Variants in SMTN observed in about 807,000 individuals in gnomAD.
SMTN encodes smoothelin.
A neutral mutation model predicts 102.0 loss-of-function variants in SMTN; 58 were observed. The observed-to-expected ratio is 0.57, with a 90% CI of 0.46 to 0.71. The LOEUF (loss-of-function observed/expected upper bound fraction) is 0.71. Ranked by LOEUF, SMTN falls within the 30% of genes least tolerant of loss-of-function variation. SMTN has a pLI of 0.00. For missense variants in SMTN, 1,185 were observed against 1,241.7 expected (o/e 0.95, Z 0.69); for synonymous variants, 478 against 497.9 (o/e 0.96, Z 0.53).
chr22:31,097,864 C>G (rs564810215), intron 16 of SMTN, among the ~76,000 whole-genome samples: 13 of 152,164 alleles, frequency 8.5e-5, no homozygotes, highest in Non-Finnish European at 1.8e-4. Context: ...CTCAACCACA[C>G]CACAGGAGAG....
Position 31,089,719 on chromosome 22 carries a change from G to A in SMTN, c.492G>A (p.Gln164=). 6.2e-7 allele frequency: 1 copy of A among 1,603,258 alleles called. No homozygotes were observed. The highest frequency in any genetic ancestry group is 1.7e-4 in the Middle Eastern group (1 of 6,056). ...EQCEVPEREE[Q]EQQAEVSKPT... ...TACAGGTGCCAGAGCGAGAGGAACA[G>A]GAACAGCAGGCAGAGGTTTCAAAGC... Residue 164 remains glutamine (Q), a synonymous_variant, in exon 7 of 21, where the codon CAG becomes CAA. Coordinates refer to ENST00000333137, the MANE Select transcript of SMTN (RefSeq NM_134269.3).
At chr22:31,070,999 T>G (rs1317020305) in intron 1 of SMTN, among the ~76,000 whole-genome samples, 1 of 151,352 alleles carries the variant, frequency 6.6e-6, no homozygotes, top group Non-Finnish European at 1.5e-5. Context: ...CCCAATACTT[T>G]GGGAGGCAAG....
In SMTN at chr22:31,091,703, G is replaced by A. The variant is rs764306019; in HGVS notation, c.1488G>A (p.Pro496=). The change falls in exon 11 of 21, where the codon CCG becomes CCA. Residue 496 remains proline, a synonymous_variant. Transcript: ENST00000333137. The part of the protein sequence containing the change: ...AELTLGLRAP[P]TLLSTSSGGK... Reference sequence around the variant, plus strand: ...TGACACTGGGGCTGCGGGCGCCCCCGACCCTACTCAGCACCAGTAGTGGGG... The same window carrying A: ...TGACACTGGGGCTGCGGGCGCCCCCAACCCTACTCAGCACCAGTAGTGGGG... The A allele has an allele frequency of 2.2e-5, 35 of 1,606,946 alleles. No homozygotes were observed. The highest frequency in any genetic ancestry group is 2.5e-5 in the Non-Finnish European group (29 of 1,175,168).
chr22:31,084,917 G>A (rs2042563476), intron 2 of SMTN: 13 of 1,319,664 alleles, frequency 9.9e-6, no homozygotes, highest in Admixed American at 3.8e-5. Flanking sequence ...AAGAACGGGG[G>A]CGTCCCGAGC....
Position 31,099,813 on chromosome 22 carries a change from C to A in SMTN, c.2520C>A (p.Asn840Lys). The A allele has an allele frequency of 6.2e-7, 1 of 1,614,118 alleles. No homozygotes were observed. The highest frequency in any genetic ancestry group is 1.1e-5 in the South Asian group (1 of 91,086). Residue 840 changes from asparagine (N) to lysine (K), a missense_variant, in exon 19 of 21, where the codon AAC becomes AAA. Physicochemically the swap from Asn to Lys is moderately conservative, Grantham distance 94. This residue lies in a region of SMTN where 89 missense variants were observed against 128.9 expected (regional missense o/e 0.69). Coordinates refer to ENST00000333137, the MANE Select transcript of SMTN (RefSeq NM_134269.3). ...TGGCCTTCTGTGCCCTGGTGCACAA[C>A]TTCTTCCCTGAGGCCTTCGACTATG... ...DGMAFCALVH[N>K]FFPEAFDYGQ...
chr22:31,104,477 C>G lies in SMTN; in HGVS notation c.*182C>G. The G allele has an allele frequency of 6.2e-7, 1 of 1,610,984 alleles. No homozygotes were observed. The highest frequency in any genetic ancestry group is 8.5e-7 in the Non-Finnish European group (1 of 1,179,622). On this transcript the variant is annotated 3_prime_UTR_variant, in exon 21 of 21. Coordinates refer to ENST00000333137, the MANE Select transcript of SMTN (RefSeq NM_134269.3). ...GGCAAGAATGTCTAGCCTGCCCGCC[C>G]GCATGGCCAGCCAGTGGCAAGCTGC...
chr22:31,096,806 A>G lies in SMTN; in HGVS notation c.1935A>G (p.Thr645=). 6.4e-7 allele frequency: 1 copy of G among 1,572,240 alleles called. No homozygotes were observed. The highest frequency in any genetic ancestry group is 1.8e-5 in the Admixed American group (1 of 55,382). ...RGRPGEGRGN[T]ATETTTRHSQ... Reference sequence around the variant, plus strand: ...GGCCAGGGGAGGGGCGCGGCAACACAGCCACTGAGACCACCACGAGGCACA... The same window carrying G: ...GGCCAGGGGAGGGGCGCGGCAACACGGCCACTGAGACCACCACGAGGCACA... Residue 645 remains threonine (T), a synonymous_variant, in exon 14 of 21, where the codon ACA becomes ACG. Coordinates refer to ENST00000333137, the MANE Select transcript of SMTN (RefSeq NM_134269.3).
At position 31,087,954 on chromosome 22, in the gene SMTN, AC is replaced by A. The variant is rs1471216999; in HGVS notation, c.52-8del. The stretch of plus-strand genomic sequence containing the variant: ...GCAGCCAAAATGACCTGCCTCTCGC[AC>A]CCACTGCAGCTGGAGGTCACAGCAG... On this transcript the variant is annotated splice_polypyrimidine_tract_variant and intron_variant, in intron 2 of 20. Coordinates refer to ENST00000333137, the MANE Select transcript of SMTN (RefSeq NM_134269.3). 6.3e-7 allele frequency: 1 copy of A among 1,578,358 alleles called. No individual in the cohort carries two copies. Among genetic ancestry groups the A allele is most frequent in the Non-Finnish European group, 8.6e-7 (1 of 1,158,090 alleles).
upstream of SMTN, among the ~76,000 whole-genome samples, chr22:31,077,404 A>AAC (rs2042157253): frequency 6.6e-6 from 1 of 151,906 alleles, no homozygotes; most frequent in Non-Finnish European, 1.5e-5. Flanking sequence ...ACAAAAAAAA[A>AAC]AACAACAAAA....
intron 20 of SMTN, chr22:31,102,251 G>C (rs1390327695): frequency 6.6e-6 from 1 of 152,324 alleles, no homozygotes; most frequent in African/African-American, 2.4e-5. Context: ...AGACTGTCCT[G>C]GGGGTGGGAG....
chr22:31,088,586 G>C lies in SMTN; in HGVS notation c.274G>C (p.Val92Leu). The C allele has an allele frequency of 6.2e-7, 1 of 1,613,984 alleles. No homozygotes were observed. The highest frequency in any genetic ancestry group is 8.5e-7 in the Non-Finnish European group (1 of 1,179,958). Residue 92 changes from valine to leucine, a missense_variant, in exon 4 of 21, where the codon GTG becomes CTG. Coordinates refer to ENST00000333137, the MANE Select transcript of SMTN (RefSeq NM_134269.3). ...AGGGCAGCTGGAGTCCATGAACGAT[G>C]TGGAGGAATTGACTGCACTGGTGAG... ...LAGQLESMNDVEELTALLRSA... is the reference protein window; with the variant it reads ...LAGQLESMNDLEELTALLRSA...
Position 31,102,946 on chromosome 22 carries a change from ACCCTCT to A in SMTN, c.*21-1368_*21-1363del, listed in dbSNP as rs1362816761. The A allele has an allele frequency of 3.9e-5, 6 of 152,258 alleles. No homozygotes were observed. The East Asian group carries it at 9.6e-4, about 24-fold the overall frequency. 9.4% of individuals were successfully genotyped at this position (152,258 alleles called of 1,614,324 possible). ...GTGGCACATCAGCAGCAGACCCAGAACCCTCTCACTCATCCTAAATTCTTGTAAGGT... is the reference window on the plus strand; with the variant it reads ...GTGGCACATCAGCAGCAGACCCAGAACACTCATCCTAAATTCTTGTAAGGT... On this transcript the variant is annotated intron_variant, in intron 20 of 20. Transcript: ENST00000333137.
At chr22:31,089,627 C>A in intron 6 of SMTN, 72 bp from the exon 7 acceptor site, 1 of 1,440,078 alleles carries the variant, frequency 6.9e-7, no homozygotes, top group Non-Finnish European at 9.5e-7. Context: ...CACTTGCCAG[C>A]CTGGCCCTCA....
chr22:31,083,087 C>G (rs1469022153), intron 1 of SMTN, 92 bp from the exon 2 acceptor site: 4 of 1,514,298 alleles, frequency 2.6e-6, no homozygotes, highest in Non-Finnish European at 3.6e-6. Flanking sequence ...AATGGACGCT[C>G]CTAGGTTAGA....
chr22:31,098,795 C>G lies in SMTN; in HGVS notation c.2288C>G (p.Ala763Gly). 6.2e-7 allele frequency: 1 copy of G among 1,612,588 alleles called. No homozygotes were observed. The highest frequency in any genetic ancestry group is 8.5e-7 in the Non-Finnish European group (1 of 1,179,774). Residue 763 changes from alanine to glycine, a missense_variant, in exon 17 of 21, where the codon GCG becomes GGG. Physicochemically the swap from Ala to Gly is moderately conservative, Grantham distance 60. Coordinates refer to ENST00000333137, the MANE Select transcript of SMTN (RefSeq NM_134269.3). ...CTGCCCAAGACCTCAGCCTCCCAGG[C>G]GCGCAAGGCCATGATTGAGAAGCTG... ...QSLPKTSASQ[A>G]RKAMIEKLEK...
At chr22:31,093,687 C>T in intron 11 of SMTN, 1 of 913,604 alleles carries the variant, frequency 1.1e-6, no homozygotes, top group Non-Finnish European at 1.8e-6. Context: ...AGGTGCTGAG[C>T]CTACGGCTGG....
Position 31,090,158 on chromosome 22 carries a change from C to T in SMTN, c.843C>T (p.Gly281=), listed in dbSNP as rs1178797860. 2 of 1,611,652 alleles carry T rather than the reference C, an allele frequency of 1.2e-6. No individual in the cohort carries two copies. Among genetic ancestry groups the T allele is most frequent in the South Asian group, 1.1e-5 (1 of 90,852 alleles). The change falls in exon 8 of 21, where the codon GGC becomes GGT. Residue 281 remains glycine, a synonymous_variant. Transcript: ENST00000333137. ...ETPAAQSPTR[G]PSDTKRADVA... ...CTGCTGCCCAGAGCCCCACCAGAGG[C>T]CCCTCTGACACCAAGAGAGCAGGTG...
intron 20 of SMTN, 151 bp from the exon 21 acceptor site, chr22:31,104,165 G>A: frequency 1.1e-6 from 1 of 874,646 alleles, no homozygotes; most frequent in South Asian, 1.7e-5. Flanking sequence ...GATGAAGCCA[G>A]GGGCTTCCTG....
intron 2 of SMTN, chr22:31,085,237 C>T: frequency 6.5e-7 from 1 of 1,532,202 alleles, no homozygotes; most frequent in Non-Finnish European, 8.7e-7. Flanking sequence ...CTGAAGCAGG[C>T]GGTAGCGGGT....
Sources: gnomAD v4.1 joint callset for allele counts (sites outside exome capture counted in the v4.1 genomes callset) on GRCh38, gnomAD v4.1.1 for gene constraint, gnomAD v4.1.1 regional missense constraint, MANE v1.5 for transcripts, NCBI Gene and HGNC (gene_info 2026-07-23, HGNC 2026-07-21) for gene names.